Variants in SACS observed in about 807,000 individuals in gnomAD.
The protein encoded by SACS is sacsin molecular chaperone.
SACS carries 197 observed loss-of-function variants against 348.0 expected under a neutral mutation model. That is an observed-to-expected ratio of 0.57 (90% CI 0.50 to 0.64). SACS has a LOEUF of 0.64. Among genes scored for constraint, SACS ranks in the 30% least tolerant of loss-of-function variants. SACS has a pLI of 0.00. For missense variants in SACS, 4,999 were observed against 5,360.8 expected, an observed-to-expected ratio of 0.93 and a Z score of 2.11; for synonymous variants, 1,985 against 1,910.6, an observed-to-expected ratio of 1.04 and a Z score of -1.02.
chr13:23,375,614 C>A (rs1008317556), intron 2 of SACS: 56 of 982,100 alleles, frequency 5.7e-5, no homozygotes, highest in Non-Finnish European at 6.8e-5. Flanking sequence ...GACACGCCCA[C>A]CCGCCGGGAC....
In SACS at chr13:23,336,692, C is replaced by T; in HGVS notation, c.7184G>A (p.Cys2395Tyr). ...LFETVGVRQS[C>Y]TVEDFALVLE... ...AACAAGAGCAAAATCTTCAACAGTG[C>T]ATGACTGCCTCACACCCACGGTTTC... is the stretch of plus-strand genomic sequence containing the variant. The change falls in exon 10 of 10, where the codon TGC (cysteine) becomes TAC (tyrosine). Residue 2395 changes from cysteine (C) to tyrosine (Y), a missense_variant. Physicochemically the swap from Cys to Tyr is radical, Grantham distance 194. Around this residue, in one of 6 missense-constraint regions of SACS, gnomAD observed 3,156 missense variants for 3,380.1 expected, o/e 0.93. Transcript: ENST00000382292. 2 of 1,613,898 alleles carry T rather than the reference C, an allele frequency of 1.2e-6. No homozygotes were observed. Among genetic ancestry groups the T allele is most frequent in the East Asian group, 2.2e-5 (1 of 44,874 alleles).
intron 5 of SACS, among the ~76,000 whole-genome samples, chr13:23,367,605 G>C (rs1427136727): frequency 6.6e-6 from 1 of 152,056 alleles, no homozygotes; most frequent in East Asian, 1.9e-4. Context: ...TTGTTTGTTT[G>C]TTTTTTGAGA....
chr13:23,359,034 T>G (rs1288657222), intron 6 of SACS, among the ~76,000 whole-genome samples: 1 of 151,782 alleles, frequency 6.6e-6, no homozygotes, highest in African/African-American at 2.4e-5. Flanking sequence ...TACAAAAAAT[T>G]AGCTGGGCAT....
intron 6 of SACS, among the ~76,000 whole-genome samples, chr13:23,360,993 G>A (rs1870697488): frequency 6.6e-6 from 1 of 152,082 alleles, no homozygotes; most frequent in Non-Finnish European, 1.5e-5. Flanking sequence ...GACCTCAGGT[G>A]ATCCACCTGC....
rs758570844 is a variant in SACS, at chr13:23,338,165, G to T, written c.5711C>A (p.Thr1904Lys). 4.3e-6 allele frequency: 7 copies of T among 1,614,060 alleles called. No homozygotes were observed. In the South Asian group the frequency reaches 4.4e-5, roughly 10 times the overall value. ...GAACGTGGTATTCCATCGTCCTTTT[G>T]TATCTGTTTTCCAGATTTCTTTCCT... ...SNRKEIWKTD[T>K]KGRWNTTFMR... The change falls in exon 10 of 10, where the codon ACA (threonine) becomes AAA (lysine). Residue 1904 changes from threonine to lysine, a missense_variant. Thr to Lys is a moderately conservative substitution (Grantham distance 78, BLOSUM62 -1). Transcript: ENST00000382292.
At chr13:23,368,301 C>A in intron 5 of SACS, 101 bp downstream of exon 5, 2 of 815,258 alleles carry the variant, frequency 2.5e-6, no homozygotes, top group Non-Finnish European at 4.0e-6. Flanking sequence ...TGAATCTAGA[C>A]AACATTTTAA....
intron 6 of SACS, among the ~76,000 whole-genome samples, chr13:23,359,139 G>C (rs1406185830): frequency 6.6e-6 from 1 of 151,842 alleles, no homozygotes; most frequent in Non-Finnish European, 1.5e-5. Context: ...CCGAGATCGC[G>C]CCACCGCACT....
At chr13:23,347,137 G>A (rs1488814672) in intron 9 of SACS, among the ~76,000 whole-genome samples, 4 of 152,142 alleles carry the variant, frequency 2.6e-5, no homozygotes, top group African/African-American at 4.8e-5. Flanking sequence ...GCTGCATAAC[G>A]TCATTTGATA....
In SACS at chr13:23,336,337, G is replaced by C. The variant is rs572529567; in HGVS notation, c.7539C>G (p.Val2513=). 1 of 1,614,076 alleles carries C rather than the reference G, an allele frequency of 6.2e-7. No individual in the cohort carries two copies. Among genetic ancestry groups the C allele is most frequent in the East Asian group, 2.2e-5 (1 of 44,876 alleles). ...HKALERYASN[V]CFTTLGTEFG... is the part of the protein sequence containing the mutation. ...ATTCTGTGCCAAGTGTTGTAAAACAGACATTGGATGCATATCTTTCTAAGG... is the reference window on the plus strand; with the variant it reads ...ATTCTGTGCCAAGTGTTGTAAAACACACATTGGATGCATATCTTTCTAAGG... Residue 2513 remains valine, a synonymous_variant, in exon 10 of 10, where the codon GTC becomes GTG. Transcript: ENST00000382292.
At chr13:23,371,219 A>AAATTCAAGACGT (rs1156618521) in intron 3 of SACS, 54 bp from the exon 4 acceptor site, 14 of 1,086,864 alleles carry the variant, frequency 1.3e-5, no homozygotes, top group Non-Finnish European at 1.7e-5. Flanking sequence ...CTAATACTGT[A>AAATTCAAGACGT]AATTCAAGAC....
At chr13:23,406,757 T>C (rs2137946839) in intron 2 of SACS, among the ~76,000 whole-genome samples, 2 of 152,320 alleles carry the variant, frequency 1.3e-5, no homozygotes, top group South Asian at 4.1e-4. Context: ...TCAATTATTA[T>C]TTTTTGCATT....
At chr13:23,378,022 A>G (rs574336188) in intron 2 of SACS, among the ~76,000 whole-genome samples, 1 of 152,352 alleles carries the variant, frequency 6.6e-6, no homozygotes, top group East Asian at 1.9e-4. Flanking sequence ...TTTTATTTTT[A>G]GCGACATTAA....
intron 2 of SACS, among the ~76,000 whole-genome samples, chr13:23,389,480 AG>A (rs776100349): frequency 1.3e-5 from 2 of 152,200 alleles, no homozygotes; most frequent in Admixed American, 1.3e-4. Context: ...TCACTGGAAA[AG>A]GCAAACACTT....
At chr13:23,369,197 T>G (rs534670949) in intron 4 of SACS, among the ~76,000 whole-genome samples, 3 of 152,314 alleles carry the variant, frequency 2.0e-5, no homozygotes, top group African/African-American at 7.2e-5. Context: ...ATTATCACAT[T>G]CTTAATATTC....
In SACS at chr13:23,330,816, G is replaced by A; in HGVS notation, c.13060C>T (p.His4354Tyr). 6.2e-7 allele frequency: 1 copy of A among 1,614,078 alleles called. No individual in the cohort carries two copies. The highest frequency in any genetic ancestry group is 8.5e-7 in the Non-Finnish European group (1 of 1,179,992). Residue 4354 changes from histidine to tyrosine, a missense_variant, in exon 10 of 10, where the codon CAT becomes TAT. By Grantham distance (83) the His-to-Tyr change is moderately conservative. Coordinates refer to ENST00000382292, the MANE Select transcript of SACS (RefSeq NM_014363.6). ...NHDIANEVFK[H>Y]LQNEINRLEK... Reference sequence around the variant, plus strand: ...AATCTGTTGATTTCATTCTGCAAATGTTTAAAAACTTCATTGGCAATGTCA... The same window carrying A: ...AATCTGTTGATTTCATTCTGCAAATATTTAAAAACTTCATTGGCAATGTCA...
rs375805688 is a variant in SACS at position 23,338,457 on chromosome 13, C to T, written c.5419G>A (p.Glu1807Lys). Residue 1807 changes from glutamate (E) to lysine (K), a missense_variant, in exon 10 of 10, where the codon GAG (glutamate) becomes AAG (lysine). Glu to Lys is a moderately conservative substitution (Grantham distance 56, BLOSUM62 1). Transcript: ENST00000382292. ...CACTCTACTGTTTTCTGTGACAACT[C>T]ATCTGATGGCTTTTTTGATTGGCCA... ...KSGQSKKPSD[E>K]LSQKTVECTT... 77 of 1,614,152 alleles carry T rather than the reference C, an allele frequency of 4.8e-5. No individual in the cohort carries two copies. In the East Asian group the frequency reaches 1.6e-3, roughly 34 times the overall value.
chr13:23,333,568 G>T lies in SACS; in HGVS notation c.10308C>A (p.Ile3436=). ...TCCATTTCTCCACTTCAGCTGAAGG[G>T]ATACTTTTTGTAAGTACGTAGCATG... ...FGTCYVLTKS[I]PSAEVEKWTQ... The change falls in exon 10 of 10, where the codon ATC becomes ATA. Residue 3436 remains isoleucine (I), a synonymous_variant. Transcript: ENST00000382292. 6.2e-7 allele frequency: 1 copy of T among 1,613,532 alleles called. No individual in the cohort carries two copies. The highest frequency in any genetic ancestry group is 8.5e-7 in the Non-Finnish European group (1 of 1,179,618).
At chr13:23,391,090 A>C in intron 2 of SACS, among the ~76,000 whole-genome samples, 1 of 152,250 alleles carries the variant, frequency 6.6e-6, no homozygotes, top group East Asian at 1.9e-4. Flanking sequence ...TACCAACACA[A>C]GGAAAAAGGT....
Position 23,339,519 on chromosome 13 carries a change from G to C in SACS, c.4357C>G (p.Gln1453Glu). The C allele has an allele frequency of 6.2e-7, 1 of 1,612,858 alleles. No homozygotes were observed. The highest frequency in any genetic ancestry group is 8.5e-7 in the Non-Finnish European group (1 of 1,179,058). ...GTAAGTGGCTCTCTTTGTCCTGACTGCTCAAATCCCATGTTTTCAGGATTT... is the reference window on the plus strand; with the variant it reads ...GTAAGTGGCTCTCTTTGTCCTGACTCCTCAAATCCCATGTTTTCAGGATTT... ...LINPENMGFE[Q>E]SGQREPLTVR... Residue 1453 changes from glutamine (Q) to glutamate (E), a missense_variant, in exon 10 of 10, where the codon CAG (glutamine) becomes GAG (glutamate). Transcript: ENST00000382292.
Sources: allele counts gnomAD v4.1 joint callset (sites outside exome capture counted in the v4.1 genomes callset), GRCh38; gene constraint gnomAD v4.1.1; regional missense constraint gnomAD v4.1.1; transcripts MANE v1.5; gene names NCBI Gene and HGNC (gene_info 2026-07-23, HGNC 2026-07-21).